The following ZNF438 variants were observed in gnomAD, a reference collection of about 807,000 sequenced individuals.
ZNF438 encodes zinc finger protein 438.
In ZNF438, 25 loss-of-function variants were observed where a neutral mutation model predicts 38.0. The ratio of observed to expected loss-of-function variants is 0.66; its 90% CI spans 0.48 to 0.92. ZNF438 has a LOEUF of 0.92. Among genes scored for constraint, ZNF438 ranks in the 40% least tolerant of loss-of-function variants. The pLI is 0.00. For synonymous variants in ZNF438, 372 were observed against 364.1 expected (o/e 1.02, Z -0.25); for missense variants, 1,007 against 999.6 (o/e 1.01, Z -0.10).
chr10:30,905,831 A>G (rs1564617643), intron 3 of ZNF438, among the ~76,000 whole-genome samples: 1 of 152,212 alleles, frequency 6.6e-6, no homozygotes, highest in Admixed American at 6.5e-5. Context: ...TGAAAAGACT[A>G]TTGGATAATT....
At chr10:30,879,994 T>C (rs932369868) in intron 3 of ZNF438, among the ~76,000 whole-genome samples, 12 of 151,730 alleles carry the variant, frequency 7.9e-5, no homozygotes, top group Admixed American at 7.9e-4. Context: ...ACGAGAAACA[T>C]GAAAACATAT....
At chr10:31,002,879 T>C (rs1448960577) in intron 1 of ZNF438, among the ~76,000 whole-genome samples, 2 of 152,212 alleles carry the variant, frequency 1.3e-5, no homozygotes, top group Admixed American at 6.5e-5. Flanking sequence ...ATTTATGGGA[T>C]GTATCAGCAA....
At chr10:30,906,635 GT>G (rs2042614882) in intron 3 of ZNF438, among the ~76,000 whole-genome samples, 1 of 152,148 alleles carries the variant, frequency 6.6e-6, no homozygotes, top group African/African-American at 2.4e-5. Flanking sequence ...ACTCATCCTT[GT>G]CTTGTTCCTG....
intron 4 of ZNF438, among the ~76,000 whole-genome samples, chr10:30,856,954 G>T (rs533704735): frequency 6.6e-6 from 1 of 152,308 alleles, no homozygotes; most frequent in South Asian, 2.1e-4. Flanking sequence ...TTATGGTCTA[G>T]AATTAATGCT....
At chr10:30,905,446 T>C (rs2042484339) in intron 3 of ZNF438, among the ~76,000 whole-genome samples, 1 of 152,370 alleles carries the variant, frequency 6.6e-6, no homozygotes, top group South Asian at 2.1e-4. Flanking sequence ...TGACCAGTTT[T>C]AATTGGGTTA....
intron 1 of ZNF438, among the ~76,000 whole-genome samples, chr10:30,956,621 C>T (rs755198099): frequency 6.6e-6 from 1 of 152,102 alleles, no homozygotes; most frequent in Non-Finnish European, 1.5e-5. Flanking sequence ...ATGAGATAAA[C>T]GTTTTTAGAT....
At chr10:30,984,786 C>A (rs1358061872) in intron 1 of ZNF438, among the ~76,000 whole-genome samples, 1 of 152,102 alleles carries the variant, frequency 6.6e-6, no homozygotes, top group Non-Finnish European at 1.5e-5. Flanking sequence ...CAGGGCGCAG[C>A]CTTTTTGACA....
chr10:30,904,701 C>T (rs1473769205), intron 3 of ZNF438, among the ~76,000 whole-genome samples: 2 of 152,196 alleles, frequency 1.3e-5, no homozygotes, highest in Non-Finnish European at 2.9e-5. Context: ...GTCTCATTCA[C>T]ACTGACCTTC....
At chr10:31,005,577 T>C (rs529572265) in intron 1 of ZNF438, among the ~76,000 whole-genome samples, 1 of 152,202 alleles carries the variant, frequency 6.6e-6, no homozygotes, top group Non-Finnish European at 1.5e-5. Flanking sequence ...GGGGTCTCGA[T>C]GTCTAATGTA....
intron 1 of ZNF438, among the ~76,000 whole-genome samples, chr10:30,977,393 T>A (rs901092125): frequency 1.3e-5 from 2 of 152,180 alleles, no homozygotes; most frequent in African/African-American, 4.8e-5. Flanking sequence ...GGGGAAGGTG[T>A]GTTTCACAAG....
At chr10:30,862,582 A>G (rs2035766114) in intron 4 of ZNF438, among the ~76,000 whole-genome samples, 1 of 152,206 alleles carries the variant, frequency 6.6e-6, no homozygotes, top group African/African-American at 2.4e-5. Context: ...TGGAATTACA[A>G]GCATAAGCCA....
intron 1 of ZNF438, among the ~76,000 whole-genome samples, chr10:31,023,091 T>C (rs1057127073): frequency 2.0e-5 from 3 of 152,246 alleles, no homozygotes; most frequent in African/African-American, 7.2e-5. Context: ...CTAATAATTA[T>C]AGTAACATGA....
At chr10:30,892,531 CTTTTT>C (rs549446258) in intron 3 of ZNF438, among the ~76,000 whole-genome samples, 1 of 151,152 alleles carries the variant, frequency 6.6e-6, no homozygotes, top group Non-Finnish European at 1.5e-5. Flanking sequence ...TCTTCAAAAA[CTTTTT>C]TTTAACATTC....
At chr10:30,932,051 CTTCA>C (rs1383540841) in intron 2 of ZNF438, among the ~76,000 whole-genome samples, 1 of 151,696 alleles carries the variant, frequency 6.6e-6, no homozygotes, top group Non-Finnish European at 1.5e-5. Flanking sequence ...GAGTAACTTC[CTTCA>C]TTATTACCTA....
At chr10:30,871,519 C>G (rs1235403760) in intron 4 of ZNF438, among the ~76,000 whole-genome samples, 1 of 152,038 alleles carries the variant, frequency 6.6e-6, no homozygotes, top group Non-Finnish European at 1.5e-5. Flanking sequence ...ATACTAAGTC[C>G]AAAATAAGTA....
chr10:30,980,603 C>A (rs1039221656), intron 1 of ZNF438, among the ~76,000 whole-genome samples: 21 of 152,104 alleles, frequency 1.4e-4, no homozygotes, highest in South Asian at 4.1e-4. Context: ...TTATTAGACT[C>A]CAAAATGGAG....
At chr10:30,849,105 G>A (rs561843197) in exon 5 of ZNF438, 47 of 1,613,756 alleles carry the variant, frequency 2.9e-5, no homozygotes, top group Admixed American at 5.0e-5. Flanking sequence ...ATAATGCTAC[G>A]GTATTTTTTC....
At chr10:30,882,252 C>A (rs1006393610) in intron 3 of ZNF438, among the ~76,000 whole-genome samples, 1 of 152,134 alleles carries the variant, frequency 6.6e-6, no homozygotes, top group Non-Finnish European at 1.5e-5. Flanking sequence ...ACATACACTT[C>A]TCCAAAAAAG....
At chr10:30,844,691 A>C (rs2031454119) in exon 6 of ZNF438, 1 of 355,120 alleles carries the variant, frequency 2.8e-6, no homozygotes, top group East Asian at 5.5e-5. Context: ...TTCAATCTTC[A>C]AATTTTGATC....
Sources: allele counts gnomAD v4.1 joint callset (sites outside exome capture counted in the v4.1 genomes callset), GRCh38; gene constraint gnomAD v4.1.1; transcripts MANE v1.5; gene names NCBI Gene and HGNC (gene_info 2026-07-23, HGNC 2026-07-21).